PTPRD: variants seen among roughly 807,000 people sequenced by gnomAD.
The protein encoded by PTPRD is receptor-type tyrosine-protein phosphatase delta.
PTPRD carries 34 observed loss-of-function variants against 214.5 expected under a neutral mutation model. That is an observed-to-expected ratio of 0.16 (90% CI 0.12 to 0.21). The LOEUF (loss-of-function observed/expected upper bound fraction) is 0.21. PTPRD is among the 10% of genes least tolerant of loss of function. The pLI, the probability that PTPRD is intolerant of heterozygous loss-of-function variation, is 1.00. For synonymous variants in PTPRD, 1,128 were observed against 845.7 expected (o/e 1.33, Z -5.79); for missense variants, 2,545 against 2,398.7 (o/e 1.06, Z -1.27).
intron 3 of PTPRD, among the ~76,000 whole-genome samples, chr9:10,258,304 T>A (rs542157124): frequency 6.6e-6 from 1 of 152,162 alleles, no homozygotes; most frequent in Admixed American, 6.5e-5. Context: ...TCATGGGAGC[T>A]GAGGGCTTTT....
intron 4 of PTPRD, among the ~76,000 whole-genome samples, chr9:9,974,058 A>G (rs1172561299): frequency 6.6e-6 from 1 of 152,166 alleles, no homozygotes; most frequent in African/African-American, 2.4e-5. Context: ...TTCCAATTAT[A>G]TTATGGAAAC....
At chr9:8,444,731 A>G (rs1222013379) in intron 34 of PTPRD, among the ~76,000 whole-genome samples, 1 of 152,150 alleles carries the variant, frequency 6.6e-6, no homozygotes, top group African/African-American at 2.4e-5. Flanking sequence ...ATTTTCCAAA[A>G]TTTCCCCAAT....
intron 9 of PTPRD, among the ~76,000 whole-genome samples, chr9:9,264,054 C>A (rs1018552483): frequency 6.6e-6 from 1 of 151,584 alleles, no homozygotes; most frequent in Non-Finnish European, 1.5e-5. Flanking sequence ...TGAAGCCAGT[C>A]AGTAATGATT....
intron 12 of PTPRD, among the ~76,000 whole-genome samples, chr9:8,732,669 T>C (rs2098672997): frequency 6.6e-6 from 1 of 152,202 alleles, no homozygotes; most frequent in African/African-American, 2.4e-5. Context: ...AAAACATGCA[T>C]ATTACATATG....
intron 11 of PTPRD, among the ~76,000 whole-genome samples, chr9:8,985,316 T>C (rs997630793): frequency 6.6e-6 from 1 of 152,076 alleles, no homozygotes; most frequent in Non-Finnish European, 1.5e-5. Context: ...AATATAAAAA[T>C]TTTTATGTCT....
chr9:10,500,854 T>C (rs2043456221), intron 2 of PTPRD, among the ~76,000 whole-genome samples: 1 of 151,940 alleles, frequency 6.6e-6, no homozygotes, highest in Non-Finnish European at 1.5e-5. Flanking sequence ...TCCAGTTCCA[T>C]CCATGTTATT....
intron 31 of PTPRD, among the ~76,000 whole-genome samples, chr9:8,467,830 C>T (rs1027010751): frequency 6.6e-6 from 1 of 151,744 alleles, no homozygotes; most frequent in African/African-American, 2.4e-5. Flanking sequence ...ATAATTGAAG[C>T]ATCATTACAC....
intron 23 of PTPRD, among the ~76,000 whole-genome samples, chr9:8,501,543 GCTT>G (rs2097407374): frequency 6.6e-6 from 1 of 152,134 alleles, no homozygotes; most frequent in African/African-American, 2.4e-5. Context: ...TTTGTGAAAG[GCTT>G]CTTAAGTGTG....
chr9:8,453,484 G>A (rs1564921463), intron 33 of PTPRD, among the ~76,000 whole-genome samples: 1 of 152,174 alleles, frequency 6.6e-6, no homozygotes, highest in Non-Finnish European at 1.5e-5. Flanking sequence ...AGTATTTTAA[G>A]TGAGTTTAAA....
chr9:10,481,212 T>C (rs927299534), intron 2 of PTPRD, among the ~76,000 whole-genome samples: 1 of 151,932 alleles, frequency 6.6e-6, no homozygotes, highest in Non-Finnish European at 1.5e-5. Context: ...AGACGGTATA[T>C]GGATATTATC....
chr9:9,361,496 T>C (rs560523121), intron 9 of PTPRD, among the ~76,000 whole-genome samples: 2 of 151,222 alleles, frequency 1.3e-5, no homozygotes, highest in Non-Finnish European at 3.0e-5. Context: ...CATGGCTCTT[T>C]ACTGCCAGAT....
At chr9:10,497,616 A>C (rs1200127834) in intron 2 of PTPRD, among the ~76,000 whole-genome samples, 1 of 152,074 alleles carries the variant, frequency 6.6e-6, no homozygotes, top group African/African-American at 2.4e-5. Context: ...GCAAGGATTA[A>C]TCTTATTTTT....
intron 2 of PTPRD, among the ~76,000 whole-genome samples, chr9:10,405,637 A>G (rs2098341928): frequency 6.6e-6 from 1 of 151,618 alleles, no homozygotes; most frequent in Non-Finnish European, 1.5e-5. Flanking sequence ...AAAATTAAAG[A>G]AGTGTATGTA....
chr9:10,545,977 C>T (rs183291661), intron 2 of PTPRD, among the ~76,000 whole-genome samples: 38 of 152,120 alleles, frequency 2.5e-4, no homozygotes, highest in Admixed American at 9.8e-4. Flanking sequence ...TTAGCACATT[C>T]GACTATATAA....
intron 11 of PTPRD, among the ~76,000 whole-genome samples, chr9:8,993,682 T>A (rs962225607): frequency 2.0e-5 from 3 of 152,162 alleles, no homozygotes; most frequent in African/African-American, 7.2e-5. Context: ...TTGAGTTCAG[T>A]TCTGTTCAAC....
intron 5 of PTPRD, among the ~76,000 whole-genome samples, chr9:9,782,450 GAATC>G (rs1055409733): frequency 6.6e-6 from 1 of 152,118 alleles, no homozygotes; most frequent in African/African-American, 2.4e-5. Flanking sequence ...TGATTATTGA[GAATC>G]ATAGACTAAT....
At chr9:10,311,135 G>A (rs182985805) in intron 3 of PTPRD, among the ~76,000 whole-genome samples, 1 of 151,822 alleles carries the variant, frequency 6.6e-6, no homozygotes, top group Admixed American at 6.6e-5. Flanking sequence ...TATGCAATCA[G>A]CAGTCTTCCC....
chr9:9,452,603 C>G (rs1156421427), intron 8 of PTPRD, among the ~76,000 whole-genome samples: 1 of 151,156 alleles, frequency 6.6e-6, no homozygotes, highest in African/African-American at 2.4e-5. Context: ...CTAACTTACT[C>G]ATCTTTATAC....
intron 12 of PTPRD, among the ~76,000 whole-genome samples, chr9:8,699,697 T>G (rs1225377933): frequency 6.6e-6 from 1 of 152,142 alleles, no homozygotes; most frequent in Non-Finnish European, 1.5e-5. Context: ...AAATTAATTC[T>G]TTTCTGAAAT....
Sources: allele counts gnomAD v4.1 joint callset (sites outside exome capture counted in the v4.1 genomes callset), GRCh38; gene constraint gnomAD v4.1.1; transcripts MANE v1.5; gene names NCBI Gene and HGNC (gene_info 2026-07-23, HGNC 2026-07-21).